The following ZBTB20 variants were observed in gnomAD, a reference collection of about 807,000 sequenced individuals.
The protein encoded by ZBTB20 is zinc finger and BTB domain containing 20, also known as zinc finger and BTB domain-containing protein 20.
ZBTB20 carries 9 observed loss-of-function variants against 56.9 expected under a neutral mutation model. The ratio of observed to expected loss-of-function variants is 0.16; its 90% CI spans 0.10 to 0.28. The LOEUF is 0.28. ZBTB20 is among the 10% of genes least tolerant of loss of function. The pLI is 1.00. For synonymous variants in ZBTB20, 417 were observed against 420.7 expected (o/e 0.99, Z 0.11); for missense variants, 655 against 1,003.0 (o/e 0.65, Z 4.69).
At chr3:115,145,505 CAAGTAA>C (rs2084937101) in intron 1 of ZBTB20, among the ~76,000 whole-genome samples, 1 of 116,318 alleles carries the variant, frequency 8.6e-6, no homozygotes, top group African/African-American at 2.9e-5. Flanking sequence ...ACACCTAATA[CAAGTAA>C]ATGCCATGTA....
intron 5 of ZBTB20, among the ~76,000 whole-genome samples, chr3:114,712,488 T>C (rs1457484568): frequency 1.3e-5 from 2 of 151,670 alleles, no homozygotes; most frequent in East Asian, 3.9e-4. Flanking sequence ...TCATCTCTAC[T>C]AAAAATTAAA....
intron 7 of ZBTB20, among the ~76,000 whole-genome samples, chr3:114,491,290 A>G (rs2042726582): frequency 1.3e-5 from 2 of 152,216 alleles, no homozygotes; most frequent in Admixed American, 1.3e-4. Flanking sequence ...GACAGAGCAG[A>G]TAGGTATCAA....
At chr3:114,856,850 A>G (rs997223943) in intron 4 of ZBTB20, among the ~76,000 whole-genome samples, 1 of 152,092 alleles carries the variant, frequency 6.6e-6, no homozygotes, top group African/African-American at 2.4e-5. Flanking sequence ...ATATATATAC[A>G]CTGTATGTAT....
At chr3:115,006,452 T>C (rs1038038680) in intron 2 of ZBTB20, among the ~76,000 whole-genome samples, 2 of 149,364 alleles carry the variant, frequency 1.3e-5, no homozygotes, top group African/African-American at 5.0e-5. Flanking sequence ...ATAAAATTTA[T>C]CCAGTTGGAT....
intron 4 of ZBTB20, among the ~76,000 whole-genome samples, chr3:114,897,132 A>G (rs957870821): frequency 6.6e-6 from 1 of 152,166 alleles, no homozygotes; most frequent in Non-Finnish European, 1.5e-5. Flanking sequence ...CAGACAACAG[A>G]TACTATTATT....
At chr3:114,785,465 G>C (rs2070410407) in intron 5 of ZBTB20, among the ~76,000 whole-genome samples, 1 of 152,114 alleles carries the variant, frequency 6.6e-6, no homozygotes, top group Admixed American at 6.6e-5. Flanking sequence ...ATCAGGTGTT[G>C]AATGTTATCA....
In ZBTB20 at chr3:114,546,135, C is replaced by T. The variant is rs368215457; in HGVS notation, c.-294-45744G>A. Among the ~76,000 whole-genome samples, 22 of 152,300 alleles carry T rather than the reference C, an allele frequency of 1.4e-4. 1 individual carries two copies. In the South Asian group the frequency reaches 4.1e-3, roughly 29 times the overall value. On this transcript the variant is annotated intron_variant, in intron 6 of 11. Transcript: ENST00000675478. The stretch of plus-strand genomic sequence containing the variant: ...GCACAACTAGAGTAAATCGGTACAT[C>T]TTACACAGTGGAAAGCGGTGGGTGT...
intron 5 of ZBTB20, among the ~76,000 whole-genome samples, chr3:114,755,289 T>C (rs1055796575): frequency 1.3e-5 from 2 of 152,158 alleles, no homozygotes; most frequent in African/African-American, 4.8e-5. Context: ...GTGAAAAGAA[T>C]AGGCAATTTG....
intron 2 of ZBTB20, among the ~76,000 whole-genome samples, chr3:115,069,193 T>A (rs533255658): frequency 7.2e-5 from 11 of 152,320 alleles, no homozygotes; most frequent in African/African-American, 2.4e-5. Flanking sequence ...CAGAAGCATT[T>A]AGGAATGGAA....
At chr3:114,528,332 G>C (rs1294910908) in intron 6 of ZBTB20, among the ~76,000 whole-genome samples, 1 of 151,998 alleles carries the variant, frequency 6.6e-6, no homozygotes. Flanking sequence ...AATTTAGATA[G>C]AATAATGGTA....
intron 6 of ZBTB20, among the ~76,000 whole-genome samples, chr3:114,575,656 T>C (rs2053936827): frequency 6.6e-6 from 1 of 152,120 alleles, no homozygotes; most frequent in Admixed American, 6.5e-5. Context: ...ACACGAACTA[T>C]TGTGGAAGAA....
chr3:114,385,587 G>A (rs562192138), intron 8 of ZBTB20, among the ~76,000 whole-genome samples: 2 of 152,270 alleles, frequency 1.3e-5, no homozygotes, highest in South Asian at 2.1e-4. Context: ...GACATTTCCG[G>A]GCAAGGGGTG....
At chr3:115,135,035 T>C (rs984780304) in intron 1 of ZBTB20, among the ~76,000 whole-genome samples, 2 of 152,230 alleles carry the variant, frequency 1.3e-5, no homozygotes, top group East Asian at 1.9e-4. Flanking sequence ...TGGATAAATA[T>C]TGATCTCCTC....
intron 7 of ZBTB20, among the ~76,000 whole-genome samples, chr3:114,452,619 C>T (rs1309679904): frequency 2.0e-5 from 3 of 152,108 alleles, no homozygotes; most frequent in Admixed American, 1.3e-4. Context: ...ACACTCTGCC[C>T]TGATATGTAT....
intron 6 of ZBTB20, among the ~76,000 whole-genome samples, chr3:114,633,697 G>A (rs942037580): frequency 6.6e-6 from 1 of 152,028 alleles, no homozygotes; most frequent in African/African-American, 2.4e-5. Context: ...CTTGCACTGG[G>A]CTACTTTAGG....
chr3:114,875,452 A>T (rs1267176686), intron 4 of ZBTB20, among the ~76,000 whole-genome samples: 3 of 152,148 alleles, frequency 2.0e-5, no homozygotes, highest in Non-Finnish European at 4.4e-5. Context: ...TACCAAAATA[A>T]TCAGTTTCTT....
chr3:114,941,880 A>G lies in ZBTB20; in HGVS notation c.-456+32486T>C, dbSNP rs1163029874. 4.1e-5 allele frequency among the ~76,000 whole-genome samples: 6 copies of G among 146,180 alleles called. 1 individual carries two copies. The highest frequency in any genetic ancestry group is 1.7e-4 in the African/African-American group (6 of 35,964). On this transcript the variant is annotated intron_variant, in intron 3 of 11. Transcript: ENST00000675478. ...TGCTGATGCTTGTTTTACTAACCAA[A>G]TATTACATTACACATGGTTTATCAC...
At chr3:114,535,196 C>G (rs1012769804) in intron 6 of ZBTB20, among the ~76,000 whole-genome samples, 8 of 152,054 alleles carry the variant, frequency 5.3e-5, no homozygotes, top group African/African-American at 1.9e-4. Context: ...ATTGATGAAT[C>G]TAGGAGCTGA....
intron 6 of ZBTB20, among the ~76,000 whole-genome samples, chr3:114,506,155 C>G (rs941283416): frequency 3.3e-5 from 5 of 152,000 alleles, no homozygotes; most frequent in Admixed American, 2.6e-4. Context: ...CTTTCCAAAA[C>G]GCATATTATT....
Sources: allele counts gnomAD v4.1 joint callset (sites outside exome capture counted in the v4.1 genomes callset), GRCh38; gene constraint gnomAD v4.1.1; transcripts MANE v1.5; gene names NCBI Gene and HGNC (gene_info 2026-07-23, HGNC 2026-07-21).